Variants in ATXN1 observed in about 807,000 individuals in gnomAD.
ATXN1 encodes ataxin-1.
ATXN1 carries 8 observed loss-of-function variants against 56.4 expected under a neutral mutation model. The observed-to-expected ratio is 0.14, with a 90% CI of 0.08 to 0.26. ATXN1 has a LOEUF of 0.26. ATXN1 is among the 10% of genes least tolerant of loss of function. The pLI is 1.00. For missense variants in ATXN1, 987 were observed against 1,106.5 expected (o/e 0.89, Z 1.53); for synonymous variants, 514 against 494.6 (o/e 1.04, Z -0.52).
intron 3 of ATXN1, among the ~76,000 whole-genome samples, chr6:16,592,374 G>A (rs1467455036): frequency 6.6e-6 from 1 of 152,154 alleles, no homozygotes; most frequent in Admixed American, 6.5e-5. Context: ...GGGCCTGGCT[G>A]CCTAACATAT....
chr6:16,722,375 T>C (rs1581394120), intron 2 of ATXN1, among the ~76,000 whole-genome samples: 1 of 152,228 alleles, frequency 6.6e-6, no homozygotes, highest in East Asian at 1.9e-4. Context: ...GATTTTCTGC[T>C]TTCAACTCAA....
intron 6 of ATXN1, among the ~76,000 whole-genome samples, chr6:16,333,978 G>GCC (rs1336238331): frequency 1.2e-4 from 19 of 152,224 alleles, no homozygotes; most frequent in Middle Eastern, 3.4e-3. Context: ...TGACTGAACA[G>GCC]GCATGCCCCC....
chr6:16,512,820 G>C (rs763229431), intron 5 of ATXN1, among the ~76,000 whole-genome samples: 20 of 152,196 alleles, frequency 1.3e-4, no homozygotes, highest in Non-Finnish European at 2.8e-4. Flanking sequence ...GAATGGCTTA[G>C]ACCCTCTACC....
At chr6:16,568,083 G>A (rs1762261636) in intron 4 of ATXN1, among the ~76,000 whole-genome samples, 3 of 152,142 alleles carry the variant, frequency 2.0e-5, no homozygotes, top group African/African-American at 7.2e-5. Flanking sequence ...AGTAATACTA[G>A]AAAAGGATTA....
intron 2 of ATXN1, among the ~76,000 whole-genome samples, chr6:16,703,012 C>G (rs1193966134): frequency 6.6e-6 from 1 of 152,016 alleles, no homozygotes; most frequent in Non-Finnish European, 1.5e-5. Context: ...AATCATGCTG[C>G]TATAAAGACA....
At chr6:16,460,697 G>C (rs1221152467) in intron 6 of ATXN1, among the ~76,000 whole-genome samples, 1 of 152,128 alleles carries the variant, frequency 6.6e-6, no homozygotes, top group African/African-American at 2.4e-5. Context: ...GGATCTCTTA[G>C]AAGTACCCTT....
In ATXN1 at chr6:16,688,674, T is replaced by G. The variant is rs564858031; in HGVS notation, c.-614-30773A>C. Among the ~76,000 whole-genome samples, 21 of 152,358 alleles carry G rather than the reference T, an allele frequency of 1.4e-4. No homozygotes were observed. The South Asian group carries it at 2.1e-3, about 15-fold the overall frequency. On this transcript the variant is annotated intron_variant, in intron 2 of 7. Transcript: ENST00000436367. ...GTAATTGTGCAAAGAGAGAATTTTG[T>G]GTATGTCCCCTTTCCAGAAAATATT...
intron 2 of ATXN1, among the ~76,000 whole-genome samples, chr6:16,736,537 A>G (rs1760138798): frequency 6.6e-6 from 1 of 152,238 alleles, no homozygotes; most frequent in Admixed American, 6.5e-5. Context: ...TTAAAGTTGT[A>G]TCATAGCTGT....
intron 4 of ATXN1, among the ~76,000 whole-genome samples, chr6:16,542,970 G>A (rs1761744014): frequency 6.6e-6 from 1 of 151,972 alleles, no homozygotes; most frequent in South Asian, 2.1e-4. Context: ...ACGCTTGACT[G>A]TGGGTAATTG....
At chr6:16,332,062 G>A (rs1051609619) in intron 6 of ATXN1, among the ~76,000 whole-genome samples, 3 of 152,210 alleles carry the variant, frequency 2.0e-5, no homozygotes, top group Non-Finnish European at 2.9e-5. Context: ...GAGAAATCAA[G>A]GACACAATGA....
At chr6:16,639,176 C>G (rs549816171) in intron 3 of ATXN1, among the ~76,000 whole-genome samples, 7 of 152,166 alleles carry the variant, frequency 4.6e-5, no homozygotes, top group African/African-American at 1.4e-4. Flanking sequence ...AAGCTGGCCA[C>G]GCCAGCCAGC....
intron 2 of ATXN1, among the ~76,000 whole-genome samples, chr6:16,687,243 T>G (rs911320434): frequency 1.3e-5 from 2 of 152,178 alleles, no homozygotes; most frequent in African/African-American, 4.8e-5. Flanking sequence ...ACTTTCGTGA[T>G]GAGAAAATTT....
chr6:16,747,562 T>C (rs1032871515), intron 2 of ATXN1, among the ~76,000 whole-genome samples: 6 of 151,856 alleles, frequency 4.0e-5, no homozygotes, highest in East Asian at 1.9e-4. Flanking sequence ...AGCTGTGATG[T>C]AGGCTGAAGC....
chr6:16,364,521 T>C (rs1213786204), intron 6 of ATXN1, among the ~76,000 whole-genome samples: 6 of 152,216 alleles, frequency 3.9e-5, no homozygotes, highest in African/African-American at 1.4e-4. Flanking sequence ...GCCAGGATGG[T>C]CTCGATCTCC....
Position 16,747,487 on chromosome 6 carries a change from G to A in ATXN1, c.-615+5746C>T, listed in dbSNP as rs977647332. 3.9e-5 allele frequency among the ~76,000 whole-genome samples: 6 copies of A among 152,094 alleles called. No individual in the cohort carries two copies. The East Asian group carries it at 5.8e-4, about 15-fold the overall frequency. ...CAACTGTTACAGGGAGGAGCTTCCC[G>A]GTTAGTCATATGTCAGAGTCAGAGC... On this transcript the variant is annotated intron_variant, in intron 2 of 7. Transcript: ENST00000436367.
chr6:16,482,913 C>T lies in ATXN1; in HGVS notation c.-161+3059G>A, dbSNP rs117976803. ...GGTAAAATAAACGTTCAATTGGCCT[C>T]ATCTAAGGCTGATACTTTATGCAAC... is the stretch of plus-strand genomic sequence containing the variant. On this transcript the variant is annotated intron_variant, in intron 6 of 7. Transcript: ENST00000436367. Among the ~76,000 whole-genome samples, 936 of 152,272 alleles carry T rather than the reference C, an allele frequency of 6.1e-3. 32 individuals are homozygous for T. In the East Asian group the frequency reaches 0.082, roughly 13 times the overall value.
chr6:16,535,900 T>C (rs1040163692), intron 4 of ATXN1, among the ~76,000 whole-genome samples: 32 of 152,194 alleles, frequency 2.1e-4, no homozygotes, highest in African/African-American at 7.7e-4. Flanking sequence ...AATCATTTTG[T>C]GGACTGTCCC....
chr6:16,659,982 A>G (rs957879007), intron 2 of ATXN1, among the ~76,000 whole-genome samples: 1 of 152,166 alleles, frequency 6.6e-6, no homozygotes, highest in Non-Finnish European at 1.5e-5. Flanking sequence ...AATATTTTCC[A>G]TTCTTACTTA....
At chr6:16,428,389 G>A (rs1759204384) in intron 6 of ATXN1, among the ~76,000 whole-genome samples, 1 of 152,004 alleles carries the variant, frequency 6.6e-6, no homozygotes, top group Non-Finnish European at 1.5e-5. Context: ...AAAGTGTTGA[G>A]ATTATAGACA....
Sources: allele counts gnomAD v4.1 joint callset (sites outside exome capture counted in the v4.1 genomes callset), GRCh38; gene constraint gnomAD v4.1.1; transcripts MANE v1.5; gene names NCBI Gene and HGNC (gene_info 2026-07-23, HGNC 2026-07-21).